Variants in SMYD3 observed in about 807,000 individuals in gnomAD.
SMYD3 encodes SET and MYND domain containing 3.
Under a neutral mutation model 57.7 loss-of-function variants are expected in SMYD3, and 36 were observed. That is an observed-to-expected ratio of 0.62 (90% confidence interval 0.48 to 0.82). The LOEUF is 0.82. Among genes scored for constraint, SMYD3 ranks in the 40% least tolerant of loss-of-function variants. SMYD3 has a pLI of 0.00. For synonymous variants in SMYD3, 211 were observed against 195.0 expected, an observed-to-expected ratio of 1.08 and a Z score of -0.68; for missense variants, 515 against 538.8, an observed-to-expected ratio of 0.96 and a Z score of 0.44.
At chr1:246,009,362 G>C (rs1479667222) in intron 5 of SMYD3, among the ~76,000 whole-genome samples, 1 of 152,184 alleles carries the variant, frequency 6.6e-6, no homozygotes, top group African/African-American at 2.4e-5. Flanking sequence ...CTTATCTACA[G>C]TGTCCCTTCT....
intron 10 of SMYD3, among the ~76,000 whole-genome samples, chr1:245,851,683 G>A (rs1356430255): frequency 2.6e-5 from 4 of 152,182 alleles, no homozygotes; most frequent in African/African-American, 9.6e-5. Context: ...GGAGGAACAA[G>A]CAGCTTCTCA....
At chr1:246,376,616 CATAA>C (rs1331024018) in intron 1 of SMYD3, among the ~76,000 whole-genome samples, 1 of 125,542 alleles carries the variant, frequency 8.0e-6, no homozygotes, top group Non-Finnish European at 1.7e-5. Flanking sequence ...AAAAACTAAA[CATAA>C]ATAAACCAGT....
rs527660355 is a variant in SMYD3, at chr1:245,915,118, A to C, written c.813+412T>G. 7.9e-5 allele frequency among the ~76,000 whole-genome samples: 12 copies of C among 152,322 alleles called. No individual in the cohort carries two copies. The South Asian group carries it at 1.2e-3, about 16-fold the overall frequency. The stretch of plus-strand genomic sequence containing the variant: ...TGTAAATTGTACCTCAACAAACCTG[A>C]TTTTATTTTAAAAAACATTTTTAAA... On this transcript the variant is annotated intron_variant, in intron 8 of 11. Transcript: ENST00000490107.
chr1:246,339,387 G>A (rs1168073451), intron 2 of SMYD3, among the ~76,000 whole-genome samples: 3 of 151,854 alleles, frequency 2.0e-5, no homozygotes, highest in Non-Finnish European at 2.9e-5. Context: ...TCCAATTATG[G>A]CATTATATTA....
chr1:245,793,479 C>T (rs1558345158), intron 10 of SMYD3, among the ~76,000 whole-genome samples: 1 of 152,132 alleles, frequency 6.6e-6, no homozygotes, highest in African/African-American at 2.4e-5. Flanking sequence ...AAGGCTCCGG[C>T]TTGCTTCGTC....
At chr1:246,443,764 C>T (rs544169421) in intron 1 of SMYD3, among the ~76,000 whole-genome samples, 11 of 152,198 alleles carry the variant, frequency 7.2e-5, no homozygotes, top group South Asian at 2.1e-4. Context: ...ATGGTATATA[C>T]GTATCTTAAA....
At chr1:246,308,619 T>TAC (rs957940484) in intron 5 of SMYD3, among the ~76,000 whole-genome samples, 1 of 152,144 alleles carries the variant, frequency 6.6e-6, no homozygotes, top group African/African-American at 2.4e-5. Flanking sequence ...TACCATATGA[T>TAC]ACTTAAGAGG....
At chr1:246,190,180 C>G (rs925305598) in intron 5 of SMYD3, among the ~76,000 whole-genome samples, 1 of 152,150 alleles carries the variant, frequency 6.6e-6, no homozygotes, top group Non-Finnish European at 1.5e-5. Context: ...CATAATCGCT[C>G]TCAATCTGTT....
At chr1:246,026,464 C>T (rs1297680841) in intron 5 of SMYD3, among the ~76,000 whole-genome samples, 1 of 152,154 alleles carries the variant, frequency 6.6e-6, no homozygotes, top group Non-Finnish European at 1.5e-5. Flanking sequence ...TTTGTGAATC[C>T]TTTGTTGAAC....
intron 2 of SMYD3, among the ~76,000 whole-genome samples, chr1:246,353,578 GA>G (rs2065866613): frequency 1.3e-5 from 2 of 152,014 alleles, no homozygotes; most frequent in Non-Finnish European, 1.5e-5. Context: ...ATATATAATG[GA>G]AAACTAGACC....
intron 5 of SMYD3, among the ~76,000 whole-genome samples, chr1:245,986,872 G>T (rs1394672487): frequency 1.3e-5 from 2 of 152,188 alleles, no homozygotes; most frequent in African/African-American, 4.8e-5. Flanking sequence ...GGTATAGGTG[G>T]ATACAGCAAA....
At chr1:246,135,102 C>T (rs996179637) in intron 5 of SMYD3, among the ~76,000 whole-genome samples, 2 of 152,004 alleles carry the variant, frequency 1.3e-5, no homozygotes, top group Admixed American at 6.6e-5. Flanking sequence ...CTATAACATG[C>T]TCATAAAAAT....
At chr1:246,188,739 T>C (rs560805765) in intron 5 of SMYD3, among the ~76,000 whole-genome samples, 9 of 152,048 alleles carry the variant, frequency 5.9e-5, no homozygotes, top group East Asian at 1.9e-4. Flanking sequence ...AGTGGGTGGA[T>C]TGCTTGAACT....
intron 1 of SMYD3, among the ~76,000 whole-genome samples, chr1:246,482,950 G>A (rs1486591427): frequency 6.6e-6 from 1 of 152,050 alleles, no homozygotes; most frequent in Non-Finnish European, 1.5e-5. Context: ...ATCTCTCAAG[G>A]GGATGAAACT....
chr1:246,247,557 T>C (rs1453198607), intron 5 of SMYD3, among the ~76,000 whole-genome samples: 3 of 151,254 alleles, frequency 2.0e-5, no homozygotes, highest in African/African-American at 4.9e-5. Flanking sequence ...TAATATCTCT[T>C]GTGCGTGGGA....
At chr1:246,295,366 G>A (rs2064773440) in intron 5 of SMYD3, among the ~76,000 whole-genome samples, 1 of 152,182 alleles carries the variant, frequency 6.6e-6, no homozygotes, top group African/African-American at 2.4e-5. Flanking sequence ...AGGAGTTGAT[G>A]AGCAAACAAA....
intron 10 of SMYD3, among the ~76,000 whole-genome samples, chr1:245,809,515 G>A (rs940669397): frequency 6.6e-6 from 1 of 152,214 alleles, no homozygotes; most frequent in Admixed American, 6.5e-5. Context: ...GCCCCTCCCT[G>A]AGAACCCTGC....
intron 5 of SMYD3, among the ~76,000 whole-genome samples, chr1:246,148,777 A>T (rs900188387): frequency 6.6e-6 from 1 of 152,084 alleles, no homozygotes; most frequent in Non-Finnish European, 1.5e-5. Flanking sequence ...TGCCATCCTA[A>T]CCCCCTCCCC....
intron 5 of SMYD3, among the ~76,000 whole-genome samples, chr1:246,018,571 G>T (rs80247159): frequency 0.059 from 8,968 of 152,186 alleles, 290 homozygotes; most frequent in African/African-American, 0.068. Flanking sequence ...CACGTGCTTT[G>T]TCTATTTACC....
Sources: allele counts gnomAD v4.1 joint callset (sites outside exome capture counted in the v4.1 genomes callset), GRCh38; gene constraint gnomAD v4.1.1; transcripts MANE v1.5; gene names NCBI Gene and HGNC (gene_info 2026-07-23, HGNC 2026-07-21).